The following DTWD2 variants were observed in gnomAD, a reference collection of about 807,000 sequenced individuals.
The protein encoded by DTWD2 is DTW motif tRNA-uridine aminocarboxypropyltransferase 2.
In DTWD2, 39 loss-of-function variants were observed where a neutral mutation model predicts 31.8. The ratio of observed to expected loss-of-function variants is 1.22; its 90% CI spans 0.95 to 1.60. The LOEUF (loss-of-function observed/expected upper bound fraction) is 1.60, where lower values mean the gene tolerates loss of function less well. Ranked by LOEUF, DTWD2 falls within the 40% of genes most tolerant of loss-of-function variation. The probability of loss-of-function intolerance (pLI) is 0.00; values close to 1 mark genes in which losing one functional copy is unlikely to be tolerated. For missense variants in DTWD2, 515 were observed against 381.5 expected, an observed-to-expected ratio of 1.35 and a Z score of -2.92; for synonymous variants, 180 against 142.8, an observed-to-expected ratio of 1.26 and a Z score of -1.86.
intron 4 of DTWD2, among the ~76,000 whole-genome samples, chr5:118,894,297 T>A (rs1167778963): frequency 1.3e-5 from 2 of 152,130 alleles, no homozygotes; most frequent in African/African-American, 4.8e-5. Context: ...ATATGTACAA[T>A]CCCAATCCAA....
chr5:118,974,559 A>G (rs1755100530), intron 1 of DTWD2: 1 of 497,430 alleles, frequency 2.0e-6, no homozygotes, highest in Non-Finnish European at 4.0e-6. Flanking sequence ...ACCTTGTAAA[A>G]AAAGCAAAAA....
intron 3 of DTWD2, among the ~76,000 whole-genome samples, chr5:118,934,107 G>C (rs1352427677): frequency 1.3e-5 from 2 of 149,956 alleles, no homozygotes; most frequent in Non-Finnish European, 3.0e-5. Flanking sequence ...AATACGTAAA[G>C]TACCTGTATG....
chr5:118,931,547 T>C (rs1197377263), intron 3 of DTWD2, among the ~76,000 whole-genome samples: 2 of 152,182 alleles, frequency 1.3e-5, no homozygotes, highest in Admixed American at 6.6e-5. Context: ...AACAATCTTT[T>C]AACATGTATG....
intron 1 of DTWD2, among the ~76,000 whole-genome samples, chr5:118,973,274 C>CA (rs1755033274): frequency 6.6e-6 from 1 of 152,088 alleles, no homozygotes; most frequent in South Asian, 2.1e-4. Flanking sequence ...AACGTTGTTA[C>CA]GTATGAATAT....
intron 1 of DTWD2, among the ~76,000 whole-genome samples, chr5:118,959,464 T>C (rs762169961): frequency 8.6e-5 from 13 of 152,030 alleles, no homozygotes; most frequent in Non-Finnish European, 1.8e-4. Flanking sequence ...CACAAACAAA[T>C]AGAAAAGCAT....
At chr5:118,877,501 A>C (rs1466652475) in intron 4 of DTWD2, among the ~76,000 whole-genome samples, 1 of 151,968 alleles carries the variant, frequency 6.6e-6, no homozygotes, top group African/African-American at 2.4e-5. Context: ...AAAATAAAAA[A>C]AGCTCTCAAG....
At chr5:118,950,505 G>A (rs1178576449) in intron 1 of DTWD2, among the ~76,000 whole-genome samples, 1 of 152,184 alleles carries the variant, frequency 6.6e-6, no homozygotes, top group Non-Finnish European at 1.5e-5. Context: ...ATCGGGGAAG[G>A]AGTCAGAGAG....
chr5:118,843,480 G>C (rs1340450303), intron 5 of DTWD2, among the ~76,000 whole-genome samples: 2 of 152,080 alleles, frequency 1.3e-5, no homozygotes, highest in African/African-American at 4.8e-5. Context: ...TTATTTTAAT[G>C]AGGAAAATAA....
intron 4 of DTWD2, among the ~76,000 whole-genome samples, chr5:118,854,454 A>G (rs73792414): frequency 0.065 from 9,960 of 152,196 alleles, 380 homozygotes; most frequent in Middle Eastern, 0.17. Flanking sequence ...AATATAAATA[A>G]ATAATGTTTT....
chr5:118,961,938 G>T (rs1046205155), intron 1 of DTWD2, among the ~76,000 whole-genome samples: 31 of 152,144 alleles, frequency 2.0e-4, no homozygotes, highest in African/African-American at 7.5e-4. Flanking sequence ...CATTGATTTT[G>T]AGAGTTAAAA....
intron 4 of DTWD2, among the ~76,000 whole-genome samples, chr5:118,897,104 G>T (rs1361044229): frequency 6.6e-6 from 1 of 152,124 alleles, no homozygotes; most frequent in Non-Finnish European, 1.5e-5. Context: ...GATTCTCTGG[G>T]ACTCACAGAA....
chr5:118,903,146 T>TAAAAA (rs55691479), intron 4 of DTWD2, among the ~76,000 whole-genome samples: 1 of 138,256 alleles, frequency 7.2e-6, no homozygotes. Context: ...GCTAAAATGG[T>TAAAAA]AAAAAAAAAA....
intron 3 of DTWD2, among the ~76,000 whole-genome samples, chr5:118,934,226 G>A (rs904943843): frequency 7.7e-6 from 1 of 129,884 alleles, no homozygotes; most frequent in Non-Finnish European, 1.6e-5. Context: ...CTTTAGCCTA[G>A]GAGTTTAAGA....
intron 3 of DTWD2, among the ~76,000 whole-genome samples, chr5:118,934,906 T>C (rs1009283422): frequency 6.6e-6 from 1 of 152,184 alleles, no homozygotes; most frequent in South Asian, 2.1e-4. Context: ...TTGTGAAATA[T>C]ATATTTGGTC....
intron 1 of DTWD2, chr5:118,973,802 G>A: frequency 1.2e-6 from 2 of 1,612,072 alleles, no homozygotes; most frequent in Non-Finnish European, 1.7e-6. Flanking sequence ...CACCATGTCA[G>A]ACGCAGCCGT....
In DTWD2 at chr5:118,843,070, C is replaced by G. The variant is rs371427769; in HGVS notation, c.727-1983G>C. Among the ~76,000 whole-genome samples, 115 of 151,112 alleles carry G rather than the reference C, an allele frequency of 7.6e-4. No individual in the cohort carries two copies. The East Asian group carries it at 0.021, about 27-fold the overall frequency. On this transcript the variant is annotated intron_variant, in intron 5 of 5. Transcript: ENST00000510708. ...CTCCTGGGTTCAAGTGATTCTTCTG[C>G]CTCAGCCTCCCAAGTAGCTGGGACT...
At chr5:118,889,102 G>GA (rs1274300649) in intron 4 of DTWD2, among the ~76,000 whole-genome samples, 1 of 152,064 alleles carries the variant, frequency 6.6e-6, no homozygotes, top group Non-Finnish European at 1.5e-5. Context: ...TAATTTTAAT[G>GA]AAAGTCCAAG....
intron 2 of DTWD2, among the ~76,000 whole-genome samples, chr5:118,941,093 GC>G (rs1329375809): frequency 2.6e-5 from 4 of 151,928 alleles, no homozygotes; most frequent in Admixed American, 1.3e-4. Context: ...TTTTCCCAAA[GC>G]CCCCTCCTAG....
At chr5:118,892,448 TA>T (rs1483144255) in intron 4 of DTWD2, among the ~76,000 whole-genome samples, 1 of 152,120 alleles carries the variant, frequency 6.6e-6, no homozygotes, top group Non-Finnish European at 1.5e-5. Flanking sequence ...ACTAAAACCA[TA>T]ATGAGGTATG....
Sources: allele counts gnomAD v4.1 joint callset (sites outside exome capture counted in the v4.1 genomes callset), GRCh38; gene constraint gnomAD v4.1.1; transcripts MANE v1.5; gene names NCBI Gene and HGNC (gene_info 2026-07-23, HGNC 2026-07-21).